TAFA2: variants seen among roughly 807,000 people sequenced by gnomAD.
TAFA2 encodes chemokine-like protein TAFA-2.
Under a neutral mutation model 18.8 loss-of-function variants are expected in TAFA2, and 7 were observed. The observed-to-expected ratio is 0.37, with a 90% confidence interval of 0.21 to 0.70. The LOEUF (loss-of-function observed/expected upper bound fraction) is 0.70. Among genes scored for constraint, TAFA2 ranks in the 30% least tolerant of loss-of-function variants. The probability of loss-of-function intolerance (pLI) is 0.53; values close to 1 mark genes in which losing one functional copy is unlikely to be tolerated. For missense variants in TAFA2, 122 were observed against 158.1 expected, an observed-to-expected ratio of 0.77 and a Z score of 1.23; for synonymous variants, 60 against 54.2, an observed-to-expected ratio of 1.11 and a Z score of -0.47.
At chr12:62,029,624 A>ATTTTGGCTTCTTT (rs140767222) in intron 1 of TAFA2, among the ~76,000 whole-genome samples, 2 of 151,742 alleles carry the variant, frequency 1.3e-5, no homozygotes, top group Non-Finnish European at 2.9e-5. Context: ...AAAAAGCCAA[A>ATTTTGGCTTCTTT]ACATGGATTA....
intron 2 of TAFA2, among the ~76,000 whole-genome samples, chr12:61,783,749 A>C (rs1459601341): frequency 1.3e-5 from 2 of 151,552 alleles, no homozygotes; most frequent in South Asian, 4.1e-4. Context: ...CTTACATCCT[A>C]AGAAAAAATC....
At chr12:61,734,280 C>T (rs1447851383) in intron 4 of TAFA2, among the ~76,000 whole-genome samples, 5 of 148,716 alleles carry the variant, frequency 3.4e-5, no homozygotes, top group East Asian at 2.0e-4. Context: ...AACCAAATAC[C>T]GCATGTTCTC....
chr12:61,882,422 A>G (rs1374010425), intron 1 of TAFA2, among the ~76,000 whole-genome samples: 1 of 152,214 alleles, frequency 6.6e-6, no homozygotes, highest in Admixed American at 6.5e-5. Context: ...GGGGGAAAAT[A>G]GAGTACAAAA....
chr12:62,134,163 A>T (rs1213906433), intron 1 of TAFA2, among the ~76,000 whole-genome samples: 1 of 151,836 alleles, frequency 6.6e-6, no homozygotes, highest in Non-Finnish European at 1.5e-5. Flanking sequence ...TTCCTCCACC[A>T]AGTCATCCCT....
intron 1 of TAFA2, among the ~76,000 whole-genome samples, chr12:62,010,210 A>G (rs12822106): frequency 0.46 from 60,636 of 132,210 alleles, 13,027 homozygotes; most frequent in Middle Eastern, 0.55. Flanking sequence ...TCCCTCTGTT[A>G]CCGAGGCTGG....
At chr12:62,094,993 T>C (rs1295808139) in intron 1 of TAFA2, among the ~76,000 whole-genome samples, 1 of 152,098 alleles carries the variant, frequency 6.6e-6, no homozygotes, top group African/African-American at 2.4e-5. Context: ...TTGTTCAGTT[T>C]TTTAAATGCT....
intron 2 of TAFA2, among the ~76,000 whole-genome samples, chr12:61,864,544 C>A (rs1327514559): frequency 6.6e-6 from 1 of 151,168 alleles, no homozygotes; most frequent in East Asian, 1.9e-4. Context: ...GAGGCCGAGG[C>A]GGGCGGATCA....
Position 62,211,520 on chromosome 12 carries a change from C to T in TAFA2, c.-130+47243G>A, listed in dbSNP as rs548175706. ...GCTTGAACCTGGGAGGCGGAGGTTG[C>T]AGTGAGCCAAGATTGTGCTGCTGCA... On this transcript the variant is annotated intron_variant, in intron 1 of 5. Coordinates refer to the TAFA2 transcript ENST00000551619. Among the ~76,000 whole-genome samples, 5 of 150,066 alleles carry T rather than the reference C, an allele frequency of 3.3e-5. No individual in the cohort carries two copies. In the South Asian group the frequency reaches 1.0e-3, roughly 31 times the overall value.
chr12:61,874,782 G>C (rs1383132312), intron 1 of TAFA2, among the ~76,000 whole-genome samples: 1 of 152,088 alleles, frequency 6.6e-6, no homozygotes. Flanking sequence ...CGATTTTTCA[G>C]AGCCCTAGAA....
chr12:62,147,959 A>C (rs1165687141), intron 1 of TAFA2, among the ~76,000 whole-genome samples: 1 of 152,178 alleles, frequency 6.6e-6, no homozygotes, highest in Non-Finnish European at 1.5e-5. Context: ...CATATGGAAA[A>C]AAATGTTCAA....
intron 1 of TAFA2, among the ~76,000 whole-genome samples, chr12:62,228,767 T>C (rs1463088779): frequency 1.3e-5 from 2 of 152,164 alleles, no homozygotes; most frequent in Non-Finnish European, 2.9e-5. Context: ...GTCATTGGTA[T>C]TTTGATAGGA....
chr12:62,248,420 G>A (rs192877583), intron 1 of TAFA2, among the ~76,000 whole-genome samples: 3 of 152,320 alleles, frequency 2.0e-5, no homozygotes, highest in South Asian at 2.1e-4. Context: ...CTGTGGGCAC[G>A]TTTAGGTAAG....
intron 2 of TAFA2, among the ~76,000 whole-genome samples, chr12:61,827,770 A>C (rs949211466): frequency 6.6e-6 from 1 of 152,038 alleles, no homozygotes; most frequent in African/African-American, 2.4e-5. Flanking sequence ...CCATAGAAAC[A>C]TTTTTAAAAC....
chr12:61,901,168 C>A (rs995361203), intron 1 of TAFA2, among the ~76,000 whole-genome samples: 6 of 151,810 alleles, frequency 4.0e-5, no homozygotes, highest in Non-Finnish European at 5.9e-5. Flanking sequence ...GACTAATAAT[C>A]TTTTCCCAAT....
intron 4 of TAFA2, among the ~76,000 whole-genome samples, chr12:61,727,640 T>C (rs1381505535): frequency 1.3e-5 from 2 of 152,064 alleles, no homozygotes; most frequent in Non-Finnish European, 2.9e-5. Context: ...TAATGGTGTA[T>C]CAATTTTGTT....
chr12:61,838,444 C>A (rs771024783), intron 2 of TAFA2, among the ~76,000 whole-genome samples: 2 of 151,962 alleles, frequency 1.3e-5, no homozygotes, highest in Non-Finnish European at 2.9e-5. Flanking sequence ...ACATTCCAGA[C>A]AGAGAAGACA....
At chr12:62,181,990 T>TCCCCCC (rs71893210) in intron 1 of TAFA2, among the ~76,000 whole-genome samples, 1 of 138,488 alleles carries the variant, frequency 7.2e-6, no homozygotes, top group African/African-American at 2.8e-5. Context: ...CTCAAGTCCA[T>TCCCCCC]CCCCCCCCCG....
At chr12:61,830,143 G>C (rs1342008245) in intron 2 of TAFA2, among the ~76,000 whole-genome samples, 3 of 151,136 alleles carry the variant, frequency 2.0e-5, no homozygotes, top group Admixed American at 1.3e-4. Flanking sequence ...TTGGATAAAT[G>C]TTATGATCCA....
chr12:62,107,064 T>G (rs1352746166), intron 1 of TAFA2, among the ~76,000 whole-genome samples: 1 of 152,218 alleles, frequency 6.6e-6, no homozygotes, highest in Non-Finnish European at 1.5e-5. Flanking sequence ...TTTTCTTATA[T>G]TGTTAAGATT....
Sources: allele counts gnomAD v4.1 joint callset (sites outside exome capture counted in the v4.1 genomes callset), GRCh38; gene constraint gnomAD v4.1.1; transcripts MANE v1.5; gene names NCBI Gene and HGNC (gene_info 2026-07-23, HGNC 2026-07-21).